MDGA2: variants seen among roughly 807,000 people sequenced by gnomAD.
MDGA2 encodes the protein MAM domain containing glycosylphosphatidylinositol anchor 2, also known as MAM domain-containing glycosylphosphatidylinositol anchor protein 2.
A neutral mutation model predicts 117.8 loss-of-function variants in MDGA2; 40 were observed. The ratio of observed to expected loss-of-function variants is 0.34; its 90% CI spans 0.26 to 0.44. The LOEUF is 0.44. Among genes scored for constraint, MDGA2 ranks in the 20% least tolerant of loss-of-function variants. The pLI is 1.00. For synonymous variants in MDGA2, 452 were observed against 439.0 expected, an observed-to-expected ratio of 1.03 and a Z score of -0.37; for missense variants, 1,123 against 1,250.6, an observed-to-expected ratio of 0.90 and a Z score of 1.54.
chr14:47,612,301 C>CA (rs1432900290), intron 1 of MDGA2, among the ~76,000 whole-genome samples: 1 of 152,022 alleles, frequency 6.6e-6, no homozygotes, highest in African/African-American at 2.4e-5. Context: ...TAAAGTGTGA[C>CA]ACCCCACAGT....
At chr14:47,581,806 T>C (rs576699611) in intron 1 of MDGA2, among the ~76,000 whole-genome samples, 7 of 152,102 alleles carry the variant, frequency 4.6e-5, no homozygotes, top group Non-Finnish European at 1.0e-4. Flanking sequence ...TATAAGTCTC[T>C]GAAATTTTGT....
At chr14:47,440,644 C>T (rs183659424) in intron 1 of MDGA2, among the ~76,000 whole-genome samples, 7 of 148,808 alleles carry the variant, frequency 4.7e-5, no homozygotes, top group Non-Finnish European at 8.9e-5. Context: ...AAAATAAACC[C>T]CAGAGTCTAA....
chr14:47,645,041 A>G (rs1303901247), intron 1 of MDGA2, among the ~76,000 whole-genome samples: 1 of 152,180 alleles, frequency 6.6e-6, no homozygotes, highest in Non-Finnish European at 1.5e-5. Context: ...TAGAGCCTGC[A>G]GAAAAAATCA....
At chr14:47,337,761 A>T (rs928341337) in intron 1 of MDGA2, among the ~76,000 whole-genome samples, 3 of 152,024 alleles carry the variant, frequency 2.0e-5, no homozygotes, top group Admixed American at 6.6e-5. Flanking sequence ...ATGATATGAT[A>T]TTAAGCATTT....
At chr14:47,266,737 A>G (rs1489167416) in intron 2 of MDGA2, among the ~76,000 whole-genome samples, 1 of 152,108 alleles carries the variant, frequency 6.6e-6, no homozygotes, top group African/African-American at 2.4e-5. Flanking sequence ...TAGCTTTCTA[A>G]CAAGTAATTT....
chr14:46,933,686 T>C (rs986919008), intron 9 of MDGA2, among the ~76,000 whole-genome samples: 3 of 150,884 alleles, frequency 2.0e-5, no homozygotes, highest in African/African-American at 7.3e-5. Flanking sequence ...TGAGTTTGCA[T>C]TTATTTTCTT....
intron 1 of MDGA2, among the ~76,000 whole-genome samples, chr14:47,435,284 T>A (rs1235662412): frequency 6.6e-6 from 1 of 152,182 alleles, no homozygotes; most frequent in Admixed American, 6.5e-5. Flanking sequence ...CCCAATTCTC[T>A]TAATTTTTAA....
At chr14:47,130,738 G>T (rs1406289315) in intron 5 of MDGA2, among the ~76,000 whole-genome samples, 1 of 152,078 alleles carries the variant, frequency 6.6e-6, no homozygotes, top group Non-Finnish European at 1.5e-5. Context: ...ATCAGGCAAA[G>T]AAGAGTAAGA....
At chr14:47,486,357 C>G (rs1894060780) in intron 1 of MDGA2, among the ~76,000 whole-genome samples, 1 of 152,198 alleles carries the variant, frequency 6.6e-6, no homozygotes, top group African/African-American at 2.4e-5. Flanking sequence ...TTACCCAATG[C>G]CTGTACCTCC....
At chr14:47,252,353 G>C (rs1289987304) in intron 2 of MDGA2, among the ~76,000 whole-genome samples, 1 of 152,070 alleles carries the variant, frequency 6.6e-6, no homozygotes, top group Non-Finnish European at 1.5e-5. Context: ...ATATTTAATT[G>C]TGACAGCATC....
chr14:47,530,903 G>C (rs1370408590), intron 1 of MDGA2, among the ~76,000 whole-genome samples: 2 of 152,072 alleles, frequency 1.3e-5, no homozygotes, highest in African/African-American at 4.8e-5. Flanking sequence ...AGTAAATTAA[G>C]TTCATGTAAT....
At chr14:47,072,987 C>T (rs1255216017) in intron 6 of MDGA2, among the ~76,000 whole-genome samples, 1 of 152,166 alleles carries the variant, frequency 6.6e-6, no homozygotes, top group East Asian at 1.9e-4. Flanking sequence ...CCTGATCTCA[C>T]ATAGATTAAC....
At chr14:47,627,806 C>T (rs1369946602) in intron 1 of MDGA2, among the ~76,000 whole-genome samples, 15 of 152,164 alleles carry the variant, frequency 9.9e-5, no homozygotes, top group Admixed American at 2.0e-4. Flanking sequence ...CTCTTTGGGT[C>T]CACACTGCCT....
chr14:47,319,833 G>T (rs1250527524), intron 1 of MDGA2, among the ~76,000 whole-genome samples: 1 of 152,098 alleles, frequency 6.6e-6, no homozygotes, highest in Non-Finnish European at 1.5e-5. Flanking sequence ...AGAAATGCTG[G>T]AGTCTCAACC....
chr14:47,477,645 A>G (rs1218697990), intron 1 of MDGA2, among the ~76,000 whole-genome samples: 1 of 152,202 alleles, frequency 6.6e-6, no homozygotes, highest in Non-Finnish European at 1.5e-5. Flanking sequence ...AATTATATGT[A>G]ATATTTGACC....
chr14:46,859,874 G>C (rs1302275297), intron 14 of MDGA2, among the ~76,000 whole-genome samples: 1 of 151,880 alleles, frequency 6.6e-6, no homozygotes, highest in African/African-American at 2.4e-5. Flanking sequence ...ATATGAATAT[G>C]CTACATAAAT....
intron 5 of MDGA2, among the ~76,000 whole-genome samples, chr14:47,101,058 C>G (rs1289116172): frequency 6.7e-6 from 1 of 149,524 alleles, no homozygotes; most frequent in African/African-American, 2.5e-5. Flanking sequence ...AGTGGGGATA[C>G]TTGATGAATG....
At chr14:47,046,295 T>G (rs1889262229) in intron 7 of MDGA2, among the ~76,000 whole-genome samples, 1 of 149,992 alleles carries the variant, frequency 6.7e-6, no homozygotes, top group Admixed American at 6.8e-5. Flanking sequence ...TTCTGAGAAC[T>G]AGAAACCAAT....
At chr14:46,908,695 A>G (rs1883590098) in intron 10 of MDGA2, among the ~76,000 whole-genome samples, 1 of 152,212 alleles carries the variant, frequency 6.6e-6, no homozygotes, top group East Asian at 1.9e-4. Flanking sequence ...ACTCCTGAAC[A>G]TAATTTAGGG....
Sources: allele counts gnomAD v4.1 joint callset (sites outside exome capture counted in the v4.1 genomes callset), GRCh38; gene constraint gnomAD v4.1.1; transcripts MANE v1.5; gene names NCBI Gene and HGNC (gene_info 2026-07-23, HGNC 2026-07-21).